The following OGA variants were observed in gnomAD, a reference collection of about 807,000 sequenced individuals.
OGA encodes O-GlcNAcase, also known as protein O-GlcNAcase.
In OGA, 21 loss-of-function variants were observed where a neutral mutation model predicts 102.0. That is an observed-to-expected ratio of 0.21 (90% CI 0.15 to 0.30). The LOEUF (loss-of-function observed/expected upper bound fraction) is 0.30. OGA is among the 10% of genes least tolerant of loss of function. OGA has a pLI of 1.00. For missense variants in OGA, 765 were observed against 1,107.8 expected, an observed-to-expected ratio of 0.69 and a Z score of 4.39; for synonymous variants, 408 against 378.2, an observed-to-expected ratio of 1.08 and a Z score of -0.91.
chr10:101,794,192 A>G (rs567151439), intron 10 of OGA, 194 bp from the exon 11 acceptor site: 132 of 396,622 alleles, frequency 3.3e-4, no homozygotes, highest in Middle Eastern at 1.0e-3. Context: ...TCCTTCCTCC[A>G]ATTAATGAAT....
chr10:101,806,548 C>T (rs996159958), intron 5 of OGA, among the ~76,000 whole-genome samples: 8 of 152,266 alleles, frequency 5.3e-5, no homozygotes, highest in Admixed American at 4.6e-4. Flanking sequence ...AGGCCTCCTA[C>T]AAGGAACTAA....
At chr10:101,806,860 G>C (rs1419035003) in intron 5 of OGA, among the ~76,000 whole-genome samples, 1 of 152,148 alleles carries the variant, frequency 6.6e-6, no homozygotes, top group African/African-American at 2.4e-5. Context: ...GATCACTTGA[G>C]CCCAAGAGTT....
intron 5 of OGA, among the ~76,000 whole-genome samples, chr10:101,807,349 G>A (rs917927277): frequency 6.6e-6 from 1 of 152,150 alleles, no homozygotes; most frequent in Non-Finnish European, 1.5e-5. Context: ...GGAGTGGGAG[G>A]AGTGCAAAAA....
intron 5 of OGA, 90 bp from the exon 6 acceptor site, chr10:101,806,233 A>G: frequency 1.3e-6 from 1 of 778,724 alleles, no homozygotes; most frequent in Non-Finnish European, 2.1e-6. Flanking sequence ...ACGGAGTCTC[A>G]CTCTTGATGC....
At chr10:101,805,427 G>A (rs1345340810) in intron 6 of OGA, among the ~76,000 whole-genome samples, 1 of 152,102 alleles carries the variant, frequency 6.6e-6, no homozygotes, top group East Asian at 1.9e-4. Context: ...GGCCGAAGTG[G>A]GCAGATCACC....
intron 10 of OGA, among the ~76,000 whole-genome samples, chr10:101,796,174 T>C (rs2065313684): frequency 6.6e-6 from 1 of 152,200 alleles, no homozygotes; most frequent in Non-Finnish European, 1.5e-5. Flanking sequence ...AGCAGAAACC[T>C]GGAAGGCAAA....
chr10:101,791,326 C>CT, intron 13 of OGA, 28 bp downstream of exon 13: 1 of 1,569,118 alleles, frequency 6.4e-7, no homozygotes, highest in South Asian at 1.1e-5. Flanking sequence ...GAAAGGTCTA[C>CT]TCTCAAATCC....
chr10:101,804,557 G>C (rs2065441517), intron 6 of OGA, among the ~76,000 whole-genome samples: 1 of 152,028 alleles, frequency 6.6e-6, no homozygotes, highest in African/African-American at 2.4e-5. Context: ...ACAGGCGTGA[G>C]CCACTGCGCC....
In OGA at chr10:101,798,013, T is replaced by C; in HGVS notation, c.1951A>G (p.Met651Val). 2.5e-6 allele frequency: 4 copies of C among 1,613,854 alleles called. No homozygotes were observed. Among genetic ancestry groups the C allele is most frequent in the Non-Finnish European group, 3.4e-6 (4 of 1,179,838 alleles). The change falls in exon 10 of 16, where the codon ATG becomes GTG. Residue 651 changes from methionine to valine, a missense_variant. Physicochemically the swap from Met to Val is conservative, Grantham distance 21. Coordinates refer to ENST00000361464, the MANE Select transcript of OGA (RefSeq NM_012215.5). ...YSYVWDIKSI[M>V]SMVKSFVQWL... The stretch of plus-strand genomic sequence containing the variant: ...TGTACAAAAGACTTCACCATAGACA[T>C]TATACTCTTGATATCCCAAACATAG...
At chr10:101,790,162 T>C (rs2065240434) in intron 14 of OGA, among the ~76,000 whole-genome samples, 1 of 151,918 alleles carries the variant, frequency 6.6e-6, no homozygotes, top group South Asian at 2.1e-4. Context: ...CAATGTAGAA[T>C]GCATTAGTCA....
At chr10:101,791,232 A>C (rs943116306) in intron 13 of OGA, 122 bp downstream of exon 13, 1 of 1,227,610 alleles carries the variant, frequency 8.1e-7, no homozygotes, top group Non-Finnish European at 1.1e-6. Flanking sequence ...ACATATTCAG[A>C]TTTTACTAAA....
At chr10:101,817,231 T>C (rs1268653801) in intron 1 of OGA, among the ~76,000 whole-genome samples, 1 of 152,196 alleles carries the variant, frequency 6.6e-6, no homozygotes, top group Non-Finnish European at 1.5e-5. Context: ...TTCGAGAATC[T>C]GTGATTAAAG....
chr10:101,804,045 A>G (rs1464095799), intron 6 of OGA, 26 bp from the exon 7 acceptor site: 14 of 1,591,090 alleles, frequency 8.8e-6, no homozygotes, highest in Non-Finnish European at 1.1e-5. Context: ...ACCGTTCGTT[A>G]AAAGAATCAT....
Position 101,810,232 on chromosome 10 carries a change from A to T in OGA, c.432T>A (p.Thr144=), listed in dbSNP as rs1461166092. ...IYAISPGLDI[T]FSNPKEVSTL... is the part of the protein sequence containing the mutation. ...TGGATACTTCCTTGGGGTTAGAAAA[A>T]GTGATATCCAATCCAGGTGAGATCG... The change falls in exon 4 of 16, where the codon ACT becomes ACA. Residue 144 remains threonine (T), a synonymous_variant. Coordinates refer to ENST00000361464, the MANE Select transcript of OGA (RefSeq NM_012215.5). The T allele has an allele frequency of 6.2e-7, 1 of 1,612,274 alleles. No individual in the cohort carries two copies. Among genetic ancestry groups the T allele is most frequent in the Admixed American group, 1.7e-5 (1 of 59,988 alleles).
In OGA at chr10:101,797,972, G is replaced by A. The variant is rs772903834; in HGVS notation, c.1984+8C>T. 2.9e-5 allele frequency: 46 copies of A among 1,608,810 alleles called. No homozygotes were observed. The highest frequency in any genetic ancestry group is 6.8e-6 in the Non-Finnish European group (8 of 1,176,448). On this transcript the variant is annotated splice_region_variant and intron_variant, in intron 10 of 15. Coordinates refer to ENST00000361464, the MANE Select transcript of OGA (RefSeq NM_012215.5). ...TTGAGGAGAAGAGATTATTCCTGGT[G>A]CACCTACCTAACCACTGTACAAAAG...
chr10:101,815,975 A>G (rs1382514347), intron 1 of OGA, among the ~76,000 whole-genome samples: 1 of 142,140 alleles, frequency 7.0e-6, no homozygotes, highest in Non-Finnish European at 1.6e-5. Context: ...AAAAAAAAAA[A>G]AAAAAAAAAA....
chr10:101,788,704 C>T (rs2065221257), intron 14 of OGA, among the ~76,000 whole-genome samples: 1 of 150,410 alleles, frequency 6.6e-6, no homozygotes, highest in African/African-American at 2.5e-5. Context: ...CATTGCACTC[C>T]ACCCCAGGCG....
chr10:101,809,407 A>G (rs1269582684), intron 4 of OGA, among the ~76,000 whole-genome samples: 1 of 152,182 alleles, frequency 6.6e-6, no homozygotes, highest in Non-Finnish European at 1.5e-5. Context: ...TTAATTTGGA[A>G]AATATTCCTC....
In OGA at chr10:101,786,272, T is replaced by C; in HGVS notation, c.*179A>G. ...ATACAGGATTTGCTGCAATACTATA[T>C]TCTTCCAACCAGTGAGTAGTCTCAA... is the stretch of plus-strand genomic sequence containing the variant. On this transcript the variant is annotated 3_prime_UTR_variant, in exon 16 of 16. Transcript: ENST00000361464. 1.8e-6 allele frequency: 1 copy of C among 544,392 alleles called. No homozygotes were observed. Among genetic ancestry groups the C allele is most frequent in the Non-Finnish European group, 2.9e-6 (1 of 341,288 alleles). 33.7% of individuals were successfully genotyped at this position (544,392 alleles called of 1,614,324 possible). A position where few individuals can be genotyped will look rare whatever the true frequency, so the allele number is the denominator to read the frequency against.
Sources: allele counts gnomAD v4.1 joint callset (sites outside exome capture counted in the v4.1 genomes callset), GRCh38; gene constraint gnomAD v4.1.1; transcripts MANE v1.5; gene names NCBI Gene and HGNC (gene_info 2026-07-23, HGNC 2026-07-21).